Variants in BCL7C observed in about 807,000 individuals in gnomAD.
BCL7C encodes B-cell CLL/lymphoma 7 protein family member C.
In BCL7C, 8 loss-of-function variants were observed where a neutral mutation model predicts 26.2. The observed-to-expected ratio is 0.30, with a 90% CI of 0.18 to 0.55. BCL7C has a LOEUF of 0.55. Among genes scored for constraint, BCL7C ranks in the 20% least tolerant of loss-of-function variants. The pLI is 0.93. For synonymous variants in BCL7C, 90 were observed against 116.5 expected (o/e 0.77, Z 1.47); for missense variants, 262 against 298.5 (o/e 0.88, Z 0.90).
At chr16:30,847,423 A>C (rs1178038375) in intron 5 of BCL7C, among the ~76,000 whole-genome samples, 2 of 152,184 alleles carry the variant, frequency 1.3e-5, no homozygotes, top group African/African-American at 2.4e-5. Flanking sequence ...TCACCTGGGC[A>C]AATGCCTTGA....
At chr16:30,876,594 G>T (rs1567318463) in intron 5 of BCL7C, among the ~76,000 whole-genome samples, 1 of 152,144 alleles carries the variant, frequency 6.6e-6, no homozygotes, top group East Asian at 1.9e-4. Flanking sequence ...TGAGATGAAG[G>T]AGGTGAGAAA....
rs2055298386 is a variant in BCL7C, at chr16:30,893,791, T to C, written c.92+62A>G. 8 of 1,481,846 alleles carry C rather than the reference T, an allele frequency of 5.4e-6. No individual in the cohort carries two copies. In the South Asian group the frequency reaches 7.9e-5, roughly 15 times the overall value. 91.8% of individuals were successfully genotyped at this position (1,481,846 alleles called of 1,614,324 possible). A position where few individuals can be genotyped will look rare whatever the true frequency, so the allele number is the denominator to read the frequency against. On this transcript the variant is annotated intron_variant, in intron 1 of 5. Transcript: ENST00000215115. The surrounding 1 kb of genome is among the most constrained non-coding windows in gnomAD (Gnocchi z 5.2). ...GGGCCCAGAGCTGGCGAGGGCAGCG[T>C]AGACGCCTTTGGTGCTGGTGGTCCC...
At chr16:30,871,744 C>T (rs2054884292) in intron 5 of BCL7C, among the ~76,000 whole-genome samples, 1 of 152,160 alleles carries the variant, frequency 6.6e-6, no homozygotes, top group African/African-American at 2.4e-5. Context: ...CTTGGCCTCC[C>T]AAAGTGCTGG....
chr16:30,841,513 T>A (rs2054602065), intron 5 of BCL7C, among the ~76,000 whole-genome samples: 1 of 152,192 alleles, frequency 6.6e-6, no homozygotes, highest in Non-Finnish European at 1.5e-5. Flanking sequence ...CTCCTTGAAG[T>A]TATCTACTGG....
chr16:30,893,136 G>A lies in BCL7C; in HGVS notation c.171+76C>T, dbSNP rs1481308072. On this transcript the variant is annotated intron_variant, in intron 2 of 5. Coordinates refer to ENST00000215115, the MANE Select transcript of BCL7C (RefSeq NM_004765.4). The surrounding 1 kb of genome is among the most constrained non-coding windows in gnomAD (Gnocchi z 5.2). Reference sequence around the variant, plus strand: ...GCATCTGAGGTCTCGGGGAGCTGGAGGTAGAGGTCAGCGTGGGGAGGAACT... The same window carrying A: ...GCATCTGAGGTCTCGGGGAGCTGGAAGTAGAGGTCAGCGTGGGGAGGAACT... 3.4e-6 allele frequency: 5 copies of A among 1,471,228 alleles called. No individual in the cohort carries two copies. The highest frequency in any genetic ancestry group is 4.7e-6 in the Non-Finnish European group (5 of 1,066,148). The allele number at this position is 1,471,228 out of a possible 1,614,324, so 91.1% of individuals were successfully genotyped here.
downstream of BCL7C, chr16:30,887,789 A>G (rs1434053390): frequency 2.0e-6 from 3 of 1,508,328 alleles, no homozygotes; most frequent in East Asian, 7.5e-5. Context: ...ATGACATGAC[A>G]CAAAATTACA....
intron 5 of BCL7C, among the ~76,000 whole-genome samples, chr16:30,881,126 G>A (rs1261315206): frequency 6.6e-6 from 1 of 152,100 alleles, no homozygotes; most frequent in East Asian, 1.9e-4. Context: ...GCCGGGTGCC[G>A]TGGCTCATGC....
At chr16:30,865,116 C>T (rs190229633) in intron 5 of BCL7C, among the ~76,000 whole-genome samples, 1 of 144,466 alleles carries the variant, frequency 6.9e-6, no homozygotes, top group Non-Finnish European at 1.5e-5. Flanking sequence ...TGCAGTGAGC[C>T]GAGATCACGT....
chr16:30,845,160 C>T (rs955433786), intron 5 of BCL7C, among the ~76,000 whole-genome samples: 2 of 152,146 alleles, frequency 1.3e-5, no homozygotes, highest in African/African-American at 4.8e-5. Context: ...TTTTGCACAC[C>T]CACCACTGGT....
In BCL7C at chr16:30,892,820, G is replaced by A. The variant is rs774542586; in HGVS notation, c.280+20C>T. On this transcript the variant is annotated intron_variant, in intron 3 of 5. Transcript: ENST00000215115. ...TCCTTCAGTCCCCACAGCCCCCCGC[G>A]TTTCAGGATCCCTACCTACCATTAA... 12 of 1,613,664 alleles carry A rather than the reference G, an allele frequency of 7.4e-6. No homozygotes were observed. The highest frequency in any genetic ancestry group is 1.3e-5 in the African/African-American group (1 of 75,050).
chr16:30,854,705 T>C (rs12920857), intron 5 of BCL7C, among the ~76,000 whole-genome samples: 1 of 134,228 alleles, frequency 7.5e-6, no homozygotes. Context: ...ACCACTCACT[T>C]TCTTTTTTTT....
chr16:30,835,447 G>GCTCT (rs1289310311), intron 5 of BCL7C, among the ~76,000 whole-genome samples: 2 of 152,162 alleles, frequency 1.3e-5, no homozygotes, highest in Non-Finnish European at 1.5e-5. Context: ...CTAAGACGGA[G>GCTCT]ATAACCTAAA....
At chr16:30,882,315 C>G (rs1373801978) in intron 5 of BCL7C, among the ~76,000 whole-genome samples, 1 of 152,120 alleles carries the variant, frequency 6.6e-6, no homozygotes, top group Non-Finnish European at 1.5e-5. Context: ...AGTAAGTACA[C>G]AATAAGTACC....
chr16:30,852,403 C>T (rs1413176322), intron 5 of BCL7C: 1 of 151,622 alleles, frequency 6.6e-6, no homozygotes, highest in Admixed American at 6.6e-5. Context: ...TGATGTATAG[C>T]ATAACCACAT....
At chr16:30,872,658 G>A (rs1006976659) in intron 5 of BCL7C, among the ~76,000 whole-genome samples, 15 of 152,108 alleles carry the variant, frequency 9.9e-5, no homozygotes, top group African/African-American at 3.1e-4. Context: ...CCTGGTGCCC[G>A]CATGTTTTGG....
exon 6 of BCL7C, chr16:30,835,138 A>C (rs1309075975): frequency 1.3e-6 from 2 of 1,513,318 alleles, no homozygotes; most frequent in African/African-American, 2.8e-5. Flanking sequence ...CGTCATTCTC[A>C]CTCCCGAATC....
intron 5 of BCL7C, among the ~76,000 whole-genome samples, chr16:30,881,153 T>C (rs2055036971): frequency 6.6e-6 from 1 of 152,126 alleles, no homozygotes; most frequent in South Asian, 2.1e-4. Context: ...TCCCAGCACT[T>C]TGCAAGGCCC....
Position 30,893,820 on chromosome 16 carries a change from G to T in BCL7C, c.92+33C>A. Reference sequence around the variant, plus strand: ...CGCCTTTGGTGCTGGTGGTCCCGCTGTGTCCCGTCCCTGGCCCCCGAGCAG... The same window carrying T: ...CGCCTTTGGTGCTGGTGGTCCCGCTTTGTCCCGTCCCTGGCCCCCGAGCAG... On this transcript the variant is annotated intron_variant, in intron 1 of 5. Coordinates refer to ENST00000215115, the MANE Select transcript of BCL7C (RefSeq NM_004765.4). The surrounding 1 kb of genome is among the most constrained non-coding windows in gnomAD (Gnocchi z 5.2). The T allele has an allele frequency of 6.3e-7, 1 of 1,586,686 alleles. No homozygotes were observed.
chr16:30,840,391 T>A (rs926671087), intron 5 of BCL7C, among the ~76,000 whole-genome samples: 6 of 152,032 alleles, frequency 3.9e-5, no homozygotes, highest in African/African-American at 1.4e-4. Flanking sequence ...CTAATTTTTT[T>A]ATTTTTAATA....
Sources: allele counts gnomAD v4.1 joint callset (sites outside exome capture counted in the v4.1 genomes callset), GRCh38; gene constraint gnomAD v4.1.1; non-coding constraint Gnocchi (gnomAD v3.1); transcripts MANE v1.5; gene names NCBI Gene and HGNC (gene_info 2026-07-23, HGNC 2026-07-21).